ZNF264: variants seen among roughly 807,000 people sequenced by gnomAD.
ZNF264 encodes zinc finger protein 264.
In ZNF264, 11 loss-of-function variants were observed where a neutral mutation model predicts 11.2. That is an observed-to-expected ratio of 0.98 (90% CI 0.62 to 1.63). The LOEUF is 1.63. Ranked by LOEUF, ZNF264 falls within the 40% of genes most tolerant of loss-of-function variation. ZNF264 has a pLI of 0.00. For missense variants in ZNF264, 752 were observed against 768.1 expected (o/e 0.98, Z 0.25); for synonymous variants, 309 against 279.8 (o/e 1.10, Z -1.04).
At chr19:57,191,979 C>A (rs998926487) in intron 1 of ZNF264, 33 bp downstream of exon 1, 11 of 1,516,450 alleles carry the variant, frequency 7.3e-6, no homozygotes, top group Non-Finnish European at 8.8e-6. Flanking sequence ...GTTGCCGCTT[C>A]CTTGCCAGCG....
At chr19:57,203,191 T>G (rs1568473888) in intron 2 of ZNF264, among the ~76,000 whole-genome samples, 1 of 152,104 alleles carries the variant, frequency 6.6e-6, no homozygotes, top group Non-Finnish European at 1.5e-5. Flanking sequence ...CAGTGAGGTT[T>G]GGGGCATAGG....
intron 2 of ZNF264, among the ~76,000 whole-genome samples, chr19:57,199,702 C>T (rs1303219423): frequency 6.6e-6 from 1 of 151,850 alleles, no homozygotes; most frequent in Non-Finnish European, 1.5e-5. Flanking sequence ...AAACTCAATT[C>T]AAGTGTAGCT....
chr19:57,214,747 ACT>A lies in ZNF264; in HGVS notation c.*1769_*1770del, dbSNP rs1290512417. ...TTTCCTCTGTTCCCAGTTTTCTGAGACTCTGTGTTGCTATGAATAAGTGTGGA... is the reference window on the plus strand; with the variant it reads ...TTTCCTCTGTTCCCAGTTTTCTGAGACTGTGTTGCTATGAATAAGTGTGGA... On this transcript the variant is annotated 3_prime_UTR_variant, in exon 4 of 4. Coordinates refer to ENST00000263095, the MANE Select transcript of ZNF264 (RefSeq NM_003417.5). 2.6e-5 allele frequency: 4 copies of A among 151,806 alleles called. No homozygotes were observed. Among genetic ancestry groups the A allele is most frequent in the Non-Finnish European group, 5.9e-5 (4 of 67,960 alleles). The allele number at this position is 151,806 out of a possible 1,614,324, so 9.4% of individuals were successfully genotyped here.
chr19:57,209,255 A>G (rs1402989157), intron 3 of ZNF264, among the ~76,000 whole-genome samples: 3 of 152,102 alleles, frequency 2.0e-5, no homozygotes, highest in African/African-American at 7.2e-5. Context: ...TATTAAAAAT[A>G]TATTTTATTC....
Position 57,212,987 on chromosome 19 carries a change from CCTT to C in ZNF264, c.*9_*11del, listed in dbSNP as rs761359963. ...CACAAGTGTCTTCACTGTGAGAAAA[CCTT>C]CTGTTGCTGAATATTACTTGTCATC... On this transcript the variant is annotated 3_prime_UTR_variant, in exon 4 of 4. Transcript: ENST00000263095. 1.1e-5 allele frequency: 17 copies of C among 1,598,004 alleles called. No individual in the cohort carries two copies. The highest frequency in any genetic ancestry group is 8.6e-5 in the Admixed American group (5 of 58,234).
chr19:57,192,465 C>G, intron 1 of ZNF264: 2 of 985,388 alleles, frequency 2.0e-6, no homozygotes, highest in Non-Finnish European at 2.4e-6. Context: ...ACTCTCATCG[C>G]TACAGCCTGC....
In ZNF264 at chr19:57,200,585, C is replaced by G. The variant is rs868480850; in HGVS notation, c.161-4812C>G. Among the ~76,000 whole-genome samples the G allele has an allele frequency of 7.8e-4, 117 of 149,304 alleles. 3 individuals carry two copies. Among genetic ancestry groups the G allele is most frequent in the African/African-American group, 2.2e-3 (88 of 40,094 alleles). ...CTTGTCTTGTCTTGTCTTGTCTTGT[C>G]TTGTCTTGTCTTTTCTCTTTTCCTT... On this transcript the variant is annotated intron_variant, in intron 2 of 3. Coordinates refer to ENST00000263095, the MANE Select transcript of ZNF264 (RefSeq NM_003417.5).
At chr19:57,204,498 A>T (rs2087277323) in intron 2 of ZNF264, among the ~76,000 whole-genome samples, 1 of 152,172 alleles carries the variant, frequency 6.6e-6, no homozygotes, top group South Asian at 2.1e-4. Flanking sequence ...CGATGGTTTT[A>T]TAAAGGGGGG....
chr19:57,212,793 C>A lies in ZNF264; in HGVS notation c.1696C>A (p.Pro566Thr). The A allele has an allele frequency of 6.2e-7, 1 of 1,614,074 alleles. No homozygotes were observed. The highest frequency in any genetic ancestry group is 8.5e-7 in the Non-Finnish European group (1 of 1,179,924). ...TCAAAGGATGCATACTGGGAAAAATCCCATCAGTGTAACAGATGTGGGAAG... is the reference window on the plus strand; with the variant it reads ...TCAAAGGATGCATACTGGGAAAAATACCATCAGTGTAACAGATGTGGGAAG... ...QHQRMHTGKNPISVTDVGRPF... is the reference protein window; with the variant it reads ...QHQRMHTGKNTISVTDVGRPF... The change falls in exon 4 of 4, where the codon CCC (proline) becomes ACC (threonine). Residue 566 changes from proline (P) to threonine (T), a missense_variant. By Grantham distance (38) the Pro-to-Thr change is conservative. Coordinates refer to ENST00000263095, the MANE Select transcript of ZNF264 (RefSeq NM_003417.5).
At chr19:57,205,347 T>C (rs1475770668) in intron 2 of ZNF264, 50 bp from the exon 3 acceptor site, 1 of 1,538,440 alleles carries the variant, frequency 6.5e-7, no homozygotes, top group Non-Finnish European at 8.8e-7. Context: ...TGAAGGTCTT[T>C]ATTTCTTTTC....
chr19:57,212,000 T>C lies in ZNF264; in HGVS notation c.903T>C (p.Asn301=). 3 of 1,613,782 alleles carry C rather than the reference T, an allele frequency of 1.9e-6. No individual in the cohort carries two copies. In the South Asian group the frequency reaches 3.3e-5, roughly 18 times the overall value. The change falls in exon 4 of 4, where the codon AAT becomes AAC. Residue 301 remains asparagine, a synonymous_variant. Coordinates refer to ENST00000263095, the MANE Select transcript of ZNF264 (RefSeq NM_003417.5). ...GAAAGGCCTTCACCCACCGCTCCAA[T>C]TTTGTCTTGCATAACAGGAGACACA... ...ECGKAFTHRS[N]FVLHNRRHTG...
intron 1 of ZNF264, 120 bp from the exon 2 acceptor site, chr19:57,193,755 C>T: frequency 1.4e-6 from 2 of 1,420,560 alleles, no homozygotes; most frequent in Non-Finnish European, 1.9e-6. Flanking sequence ...GAGCTAGGCC[C>T]TCAGGAGGTG....
At chr19:57,211,183 C>G (rs772599407) in intron 3 of ZNF264, among the ~76,000 whole-genome samples, 171 bp from the exon 4 acceptor site, 1 of 152,110 alleles carries the variant, frequency 6.6e-6, no homozygotes, top group African/African-American at 2.4e-5. Flanking sequence ...CAGAATATCC[C>G]GAGTCCAAGG....
Position 57,222,072 on chromosome 19 carries a change from T to C in ZNF264, c.*9091T>C, listed in dbSNP as rs1331188390. The C allele has an allele frequency of 1.3e-5, 2 of 151,908 alleles. No homozygotes were observed. The highest frequency in any genetic ancestry group is 4.8e-5 in the African/African-American group (2 of 41,366). The allele number at this position is 151,908 out of a possible 1,614,324, so 9.4% of individuals were successfully genotyped here. On this transcript the variant is annotated 3_prime_UTR_variant, in exon 4 of 4. Transcript: ENST00000263095. ...AGGCTTATGTAATGATTGTAATAAA[T>C]TCAGGTGGCTCACGCCTGTGATACC...
rs1175571142 is a variant in ZNF264, at chr19:57,213,422, TACTC to T, written c.*442_*445del. On this transcript the variant is annotated 3_prime_UTR_variant, in exon 4 of 4. Coordinates refer to ENST00000263095, the MANE Select transcript of ZNF264 (RefSeq NM_003417.5). ...ATCTTCTGTATTCCACAATAGTACTTACTCTTGAGAAGCATAACTTTATGACAAC... is the reference window on the plus strand; with the variant it reads ...ATCTTCTGTATTCCACAATAGTACTTTTGAGAAGCATAACTTTATGACAAC... 1 of 159,520 alleles carries T rather than the reference TACTC, an allele frequency of 6.3e-6. No individual in the cohort carries two copies. The highest frequency in any genetic ancestry group is 2.4e-5 in the African/African-American group (1 of 41,478). 9.9% of individuals were successfully genotyped at this position (159,520 alleles called of 1,614,324 possible).
At chr19:57,205,027 C>G (rs1330992366) in intron 2 of ZNF264, among the ~76,000 whole-genome samples, 3 of 152,060 alleles carry the variant, frequency 2.0e-5, no homozygotes, top group Admixed American at 6.5e-5. Context: ...AAATCCTCAG[C>G]TGGAATCCTC....
chr19:57,215,167 T>G lies in ZNF264; in HGVS notation c.*2186T>G, dbSNP rs531501237. On this transcript the variant is annotated 3_prime_UTR_variant, in exon 4 of 4. Coordinates refer to ENST00000263095, the MANE Select transcript of ZNF264 (RefSeq NM_003417.5). ...TGTTATTTGTTCTTGTCATGTTTGATGACCTCTAGTCAACCATTGGGCCAG... is the reference window on the plus strand; with the variant it reads ...TGTTATTTGTTCTTGTCATGTTTGAGGACCTCTAGTCAACCATTGGGCCAG... The G allele has an allele frequency of 1.3e-5, 2 of 152,288 alleles. No homozygotes were observed. Among genetic ancestry groups the G allele is most frequent in the African/African-American group, 4.8e-5 (2 of 41,464 alleles). The allele number at this position is 152,288 out of a possible 1,614,324, so 9.4% of individuals were successfully genotyped here. A position where few individuals can be genotyped will look rare whatever the true frequency, so the allele number is the denominator to read the frequency against.
intron 2 of ZNF264, among the ~76,000 whole-genome samples, chr19:57,202,266 G>A (rs1343278490): frequency 1.3e-5 from 2 of 151,828 alleles, no homozygotes; most frequent in Non-Finnish European, 2.9e-5. Flanking sequence ...ACTTAGTGAT[G>A]ACACAGAGAG....
At chr19:57,201,779 G>A (rs1015204692) in intron 2 of ZNF264, among the ~76,000 whole-genome samples, 10 of 151,876 alleles carry the variant, frequency 6.6e-5, no homozygotes, top group East Asian at 1.9e-4. Flanking sequence ...AATGCCAGAC[G>A]CAGCTGAAGC....
Sources: gnomAD v4.1 joint callset for allele counts (sites outside exome capture counted in the v4.1 genomes callset) on GRCh38, gnomAD v4.1.1 for gene constraint, MANE v1.5 for transcripts, NCBI Gene and HGNC (gene_info 2026-07-23, HGNC 2026-07-21) for gene names.